Variants in CYP39A1 observed in about 807,000 individuals in gnomAD.
CYP39A1 encodes the protein cytochrome P450 family 39 subfamily A member 1, also known as 24-hydroxycholesterol 7-alpha-hydroxylase.
CYP39A1 carries 49 observed loss-of-function variants against 58.1 expected under a neutral mutation model. The observed-to-expected ratio is 0.84, with a 90% CI of 0.67 to 1.07. CYP39A1 has a LOEUF of 1.07. Ranked by LOEUF, CYP39A1 falls within the 50% of genes least tolerant of loss-of-function variation. The pLI is 0.00. For synonymous variants in CYP39A1, 209 were observed against 187.6 expected, an observed-to-expected ratio of 1.11 and a Z score of -0.93; for missense variants, 531 against 539.4, an observed-to-expected ratio of 0.98 and a Z score of 0.16.
At chr6:46,626,086 T>A (rs1417778676) in intron 6 of CYP39A1, among the ~76,000 whole-genome samples, 6 of 151,758 alleles carry the variant, frequency 4.0e-5, no homozygotes, top group Non-Finnish European at 8.8e-5. Flanking sequence ...AATTAGTAAA[T>A]AAAAGAAAAA....
intron 1 of CYP39A1, among the ~76,000 whole-genome samples, chr6:46,650,899 C>T (rs1203348161): frequency 6.6e-6 from 1 of 151,982 alleles, no homozygotes; most frequent in Non-Finnish European, 1.5e-5. Flanking sequence ...AAAAACAGTT[C>T]CTTAAAAATT....
chr6:46,616,800 A>T, intron 7 of CYP39A1, among the ~76,000 whole-genome samples: 1 of 152,162 alleles, frequency 6.6e-6, no homozygotes, highest in East Asian at 1.9e-4. Flanking sequence ...CAGGAATCAG[A>T]TGACAAAGAG....
At chr6:46,584,302 G>A (rs148507797) in intron 10 of CYP39A1, among the ~76,000 whole-genome samples, 51 of 152,142 alleles carry the variant, frequency 3.4e-4, no homozygotes, top group African/African-American at 1.1e-3. Flanking sequence ...GTAGATTTTG[G>A]TTAAGTGATA....
chr6:46,602,928 G>GT (rs1773604037), intron 7 of CYP39A1, among the ~76,000 whole-genome samples: 1 of 137,522 alleles, frequency 7.3e-6, no homozygotes, highest in African/African-American at 2.7e-5. Context: ...TAAAATGGGG[G>GT]GGGGGAGCTT....
chr6:46,552,072 G>C (rs1016397867), intron 11 of CYP39A1, among the ~76,000 whole-genome samples: 2 of 152,100 alleles, frequency 1.3e-5, no homozygotes, highest in Non-Finnish European at 2.9e-5. Context: ...GAATTCTTAG[G>C]AGAAAATGCT....
At chr6:46,628,094 T>C (rs1252784370) in intron 6 of CYP39A1, among the ~76,000 whole-genome samples, 2 of 152,212 alleles carry the variant, frequency 1.3e-5, no homozygotes, top group Non-Finnish European at 2.9e-5. Context: ...GTATCTTTGC[T>C]GTGTCAAAGA....
intron 7 of CYP39A1, among the ~76,000 whole-genome samples, chr6:46,597,293 TTGCAA>T (rs1773227022): frequency 6.6e-6 from 1 of 152,086 alleles, no homozygotes; most frequent in African/African-American, 2.4e-5. Context: ...CAGCTCTTGC[TTGCAA>T]TACACTTAGT....
chr6:46,597,942 G>T (rs1773267044), intron 7 of CYP39A1, among the ~76,000 whole-genome samples: 1 of 152,066 alleles, frequency 6.6e-6, no homozygotes, highest in Non-Finnish European at 1.5e-5. Context: ...TGGGATTTTT[G>T]TTGTAATCTC....
At chr6:46,616,259 T>TTCCTTCCTTCCTTCCTTC (rs1561994544) in intron 7 of CYP39A1, among the ~76,000 whole-genome samples, 4 of 68,078 alleles carry the variant, frequency 5.9e-5, no homozygotes, top group Admixed American at 1.5e-4. Flanking sequence ...TTCCTTCCTT[T>TTCCTTCCTTCCTTCCTTC]CTTCCTTCCT....
At chr6:46,614,875 G>C (rs912224696) in intron 7 of CYP39A1, among the ~76,000 whole-genome samples, 4 of 152,156 alleles carry the variant, frequency 2.6e-5, no homozygotes, top group Non-Finnish European at 5.9e-5. Flanking sequence ...TGGCAAGCAT[G>C]ACACTGCCAC....
rs1017631252 is a variant in CYP39A1, at chr6:46,630,429, C to CT, written c.840+533dup. ...AGTGGGAGGTTCACATACATTATCC[C>CT]TTTTTTTACCCTTATTAGGTAAAAT... On this transcript the variant is annotated intron_variant, in intron 6 of 11. Coordinates refer to ENST00000275016, the MANE Select transcript of CYP39A1 (RefSeq NM_016593.5). Among the ~76,000 whole-genome samples, 8 of 152,060 alleles carry CT rather than the reference C, an allele frequency of 5.3e-5. No individual in the cohort carries two copies. In the East Asian group the frequency reaches 7.7e-4, roughly 15 times the overall value.
chr6:46,614,061 T>C (rs1774387285), intron 7 of CYP39A1, among the ~76,000 whole-genome samples: 1 of 151,828 alleles, frequency 6.6e-6, no homozygotes, highest in African/African-American at 2.4e-5. Context: ...TTAAACAAAT[T>C]AAAATGTAAA....
chr6:46,597,542 T>C (rs1773239981), intron 7 of CYP39A1, among the ~76,000 whole-genome samples: 1 of 152,046 alleles, frequency 6.6e-6, no homozygotes, highest in South Asian at 2.1e-4. Context: ...TCAACCCCAG[T>C]ATATATATAT....
chr6:46,586,445 G>C, intron 10 of CYP39A1: 1 of 971,342 alleles, frequency 1.0e-6, no homozygotes, highest in Non-Finnish European at 1.2e-6. Flanking sequence ...AGTGCTCTCT[G>C]AAGCTTAGAA....
chr6:46,551,653 T>C (rs2150474355), intron 11 of CYP39A1, among the ~76,000 whole-genome samples: 1 of 152,296 alleles, frequency 6.6e-6, no homozygotes, highest in Middle Eastern at 3.4e-3. Flanking sequence ...TTGGAGATTC[T>C]AGCATTTGAT....
chr6:46,573,734 G>A (rs1483632588), intron 10 of CYP39A1, among the ~76,000 whole-genome samples: 1 of 152,166 alleles, frequency 6.6e-6, no homozygotes, highest in African/African-American at 2.4e-5. Flanking sequence ...ATGGCACCTG[G>A]AGAACAGGGC....
chr6:46,559,710 A>C (rs891260258), intron 10 of CYP39A1, among the ~76,000 whole-genome samples: 2 of 152,166 alleles, frequency 1.3e-5, no homozygotes, highest in Non-Finnish European at 2.9e-5. Flanking sequence ...ACTGCAGAAC[A>C]CCAAGGGTCA....
intron 7 of CYP39A1, 87 bp from the exon 8 acceptor site, chr6:46,596,207 T>A: frequency 3.1e-6 from 3 of 973,400 alleles, no homozygotes; most frequent in Non-Finnish European, 4.5e-6. Flanking sequence ...GGTTAGATGT[T>A]GCCTCTGACA....
Position 46,637,946 on chromosome 6 carries a change from A to G in CYP39A1, c.521T>C (p.Leu174Pro), listed in dbSNP as rs200036622. 17 of 1,613,026 alleles carry G rather than the reference A, an allele frequency of 1.1e-5. No individual in the cohort carries two copies. In the East Asian group the frequency reaches 3.8e-4, roughly 36 times the overall value. ...TGTGGAAAACAAACTTTTATTAAAG[A>G]GCATATTCACTGTGACTGGATAAAG... ...HLLYPVTVNMLFNKSLFSTNK... is the reference protein window; with the variant it reads ...HLLYPVTVNMPFNKSLFSTNK... The change falls in exon 4 of 12, where the codon CTC becomes CCC. Residue 174 changes from leucine (L) to proline (P), a missense_variant. By Grantham distance (98) the Leu-to-Pro change is moderately conservative (BLOSUM62 -3). Transcript: ENST00000275016.
Sources: allele counts gnomAD v4.1 joint callset (sites outside exome capture counted in the v4.1 genomes callset), GRCh38; gene constraint gnomAD v4.1.1; transcripts MANE v1.5; gene names NCBI Gene and HGNC (gene_info 2026-07-23, HGNC 2026-07-21).